The following ARFIP1 variants were observed in gnomAD, a reference collection of about 807,000 sequenced individuals.
ARFIP1 encodes ARF interacting protein 1, also known as arfaptin-1.
A neutral mutation model predicts 42.5 loss-of-function variants in ARFIP1; 24 were observed. That is an observed-to-expected ratio of 0.57 (90% CI 0.41 to 0.80). ARFIP1 has a LOEUF of 0.80. Among genes scored for constraint, ARFIP1 ranks in the 30% least tolerant of loss-of-function variants. The probability of loss-of-function intolerance (pLI) is 0.00; values close to 1 mark genes in which losing one functional copy is unlikely to be tolerated. For synonymous variants in ARFIP1, 141 were observed against 153.7 expected (o/e 0.92, Z 0.61); for missense variants, 354 against 434.0 (o/e 0.82, Z 1.64).
chr4:152,808,283 ATTTTTTTTTTTTTTTTTTT>A (rs61135783), intron 1 of ARFIP1, among the ~76,000 whole-genome samples: 10 of 20,322 alleles, frequency 4.9e-4, no homozygotes, highest in South Asian at 3.1e-3. Context: ...CCTGGCCTCC[ATTTTTTTTTTTTTTTTTTT>A]TTTTTTTTTT....
At chr4:152,890,534 G>T (rs950650041) in intron 8 of ARFIP1, among the ~76,000 whole-genome samples, 7 of 152,188 alleles carry the variant, frequency 4.6e-5, no homozygotes, top group Non-Finnish European at 1.0e-4. Flanking sequence ...CAAATGAAAT[G>T]ATTAAGAGCC....
chr4:152,910,164 A>G lies in ARFIP1; in HGVS notation c.1067A>G (p.His356Arg), dbSNP rs1738726098. Reference protein sequence around the residue: ...KQLEQTLKQFHIKLKTPGVDA... With the variant: ...KQLEQTLKQFRIKLKTPGVDA... ...CTTGAACAGACACTTAAACAGTTCCATATCAAATTGAAAACCCCTGGAGTG... is the reference window on the plus strand; with the variant it reads ...CTTGAACAGACACTTAAACAGTTCCGTATCAAATTGAAAACCCCTGGAGTG... The change falls in exon 9 of 9, where the codon CAT becomes CGT. Residue 356 changes from histidine to arginine, a missense_variant. Transcript: ENST00000353617. The G allele has an allele frequency of 6.2e-7, 1 of 1,614,194 alleles. No individual in the cohort carries two copies. The highest frequency in any genetic ancestry group is 1.7e-5 in the Admixed American group (1 of 60,026).
At chr4:152,792,862 A>AT (rs1396380294) in intron 1 of ARFIP1, among the ~76,000 whole-genome samples, 1 of 152,198 alleles carries the variant, frequency 6.6e-6, no homozygotes, top group Non-Finnish European at 1.5e-5. Flanking sequence ...AAAGAGTTGG[A>AT]TGGATTTTAA....
intron 2 of ARFIP1, among the ~76,000 whole-genome samples, chr4:152,861,320 C>G (rs1173588342): frequency 6.6e-6 from 1 of 152,134 alleles, no homozygotes; most frequent in African/African-American, 2.4e-5. Flanking sequence ...TGTTTCTATT[C>G]TTTATAGCCA....
chr4:152,898,364 C>T (rs1737535236), intron 8 of ARFIP1, among the ~76,000 whole-genome samples: 1 of 152,144 alleles, frequency 6.6e-6, no homozygotes, highest in Non-Finnish European at 1.5e-5. Context: ...CCTTCCATGA[C>T]TTATCTATAC....
At chr4:152,892,347 CT>C (rs1393176690) in intron 8 of ARFIP1, among the ~76,000 whole-genome samples, 5 of 152,130 alleles carry the variant, frequency 3.3e-5, no homozygotes, top group African/African-American at 1.2e-4. Flanking sequence ...TTTTGGCTTT[CT>C]TTTGGTTCTC....
At chr4:152,787,088 C>T (rs1355816199) in intron 1 of ARFIP1, among the ~76,000 whole-genome samples, 1 of 152,116 alleles carries the variant, frequency 6.6e-6, no homozygotes, top group African/African-American at 2.4e-5. Flanking sequence ...AGGTAAGGTC[C>T]ATATCTTGTT....
intron 2 of ARFIP1, among the ~76,000 whole-genome samples, chr4:152,836,152 A>G (rs556255092): frequency 6.6e-6 from 1 of 152,330 alleles, no homozygotes; most frequent in East Asian, 1.9e-4. Flanking sequence ...AGATTTTGAT[A>G]AAAGGATACA....
chr4:152,824,962 GCACACCACACATACATACACACACACA>G (rs1406605948), intron 1 of ARFIP1, among the ~76,000 whole-genome samples: 1 of 150,200 alleles, frequency 6.7e-6, no homozygotes, highest in Non-Finnish European at 1.5e-5. Context: ...ATACACACAC[GCACACCACACATACATACACACACACA>G]CACATACATA....
At chr4:152,817,085 A>T (rs752660081) in intron 1 of ARFIP1, among the ~76,000 whole-genome samples, 4 of 152,214 alleles carry the variant, frequency 2.6e-5, no homozygotes, top group Non-Finnish European at 4.4e-5. Flanking sequence ...CATTGCCCAC[A>T]ATAGTAGGTA....
At chr4:152,782,177 C>T (rs891692800) in intron 1 of ARFIP1, among the ~76,000 whole-genome samples, 8 of 151,452 alleles carry the variant, frequency 5.3e-5, no homozygotes, top group African/African-American at 1.9e-4. Flanking sequence ...TAGATTAAAA[C>T]CACCACTTAG....
chr4:152,872,701 G>A, intron 5 of ARFIP1, 137 bp downstream of exon 5: 1 of 503,168 alleles, frequency 2.0e-6, no homozygotes, highest in Non-Finnish European at 3.4e-6. Context: ...AATACAGTTT[G>A]AAAATGAAGT....
intron 1 of ARFIP1, among the ~76,000 whole-genome samples, chr4:152,801,584 A>G (rs1171361636): frequency 2.6e-5 from 4 of 152,146 alleles, no homozygotes; most frequent in Admixed American, 6.6e-5. Context: ...TTACCTTCCT[A>G]CTGAGGCCAT....
intron 1 of ARFIP1, among the ~76,000 whole-genome samples, chr4:152,814,278 G>C (rs182695302): frequency 9.2e-5 from 14 of 151,940 alleles, no homozygotes; most frequent in Middle Eastern, 3.4e-3. Context: ...ATTTTTTGTA[G>C]AGACGGGGTT....
chr4:152,814,567 A>G (rs967942681), intron 1 of ARFIP1, among the ~76,000 whole-genome samples: 3 of 152,130 alleles, frequency 2.0e-5, no homozygotes, highest in African/African-American at 7.2e-5. Context: ...AAAAACAAAA[A>G]ATTAGCCAGG....
intron 8 of ARFIP1, among the ~76,000 whole-genome samples, chr4:152,903,077 ATTTAATAACCAAAATGT>A (rs1434622438): frequency 3.3e-5 from 5 of 152,306 alleles, no homozygotes; most frequent in African/African-American, 1.2e-4. Context: ...ATTTCAATGT[ATTTAATAACCAAAATGT>A]TCTGAGGATT....
intron 2 of ARFIP1, among the ~76,000 whole-genome samples, chr4:152,858,185 G>C (rs182917716): frequency 4.6e-5 from 7 of 152,224 alleles, no homozygotes; most frequent in Admixed American, 4.6e-4. Flanking sequence ...CCAGCTACTC[G>C]GGAGGCTGAG....
At chr4:152,888,328 G>C in intron 8 of ARFIP1, 21 bp downstream of exon 8, 1 of 1,534,802 alleles carries the variant, frequency 6.5e-7, no homozygotes, top group African/African-American at 1.4e-5. Flanking sequence ...TACCTTCTAA[G>C]GTCTTTCTGT....
At chr4:152,795,702 T>A (rs1047009392) in intron 1 of ARFIP1, among the ~76,000 whole-genome samples, 1 of 152,088 alleles carries the variant, frequency 6.6e-6, no homozygotes, top group African/African-American at 2.4e-5. Context: ...GAATGTTTTG[T>A]CATATTTTAA....
Sources: allele counts gnomAD v4.1 joint callset (sites outside exome capture counted in the v4.1 genomes callset), GRCh38; gene constraint gnomAD v4.1.1; transcripts MANE v1.5; gene names NCBI Gene and HGNC (gene_info 2026-07-23, HGNC 2026-07-21).